The following CNTN5 variants were observed in gnomAD, a reference collection of about 807,000 sequenced individuals.
CNTN5 encodes the protein contactin-5.
A neutral mutation model predicts 129.1 loss-of-function variants in CNTN5; 77 were observed. The observed-to-expected ratio is 0.60, with a 90% CI of 0.50 to 0.72. CNTN5 has a LOEUF of 0.72. CNTN5 is among the 30% of genes least tolerant of loss of function. The pLI, the probability that CNTN5 is intolerant of heterozygous loss-of-function variation, is 0.00. For missense variants in CNTN5, 1,478 were observed against 1,328.8 expected (o/e 1.11, Z -1.75); for synonymous variants, 509 against 465.6 (o/e 1.09, Z -1.20).
chr11:99,173,521 T>A (rs755516582), intron 1 of CNTN5, among the ~76,000 whole-genome samples: 5 of 152,244 alleles, frequency 3.3e-5, no homozygotes, highest in Non-Finnish European at 5.9e-5. Flanking sequence ...ATCAAATTCA[T>A]ACTGAGAAAC....
chr11:99,748,847 T>C (rs978414640), intron 3 of CNTN5, among the ~76,000 whole-genome samples: 4 of 152,344 alleles, frequency 2.6e-5, no homozygotes, highest in Non-Finnish European at 4.4e-5. Flanking sequence ...ACTCTACTGA[T>C]TCAAATGGTA....
chr11:99,036,159 G>A (rs903105964), intron 1 of CNTN5, among the ~76,000 whole-genome samples: 7 of 151,926 alleles, frequency 4.6e-5, no homozygotes, highest in East Asian at 1.9e-4. Context: ...GTTGCGTATC[G>A]AAATGCCAGC....
intron 4 of CNTN5, among the ~76,000 whole-genome samples, chr11:99,839,325 G>A (rs1045263733): frequency 2.0e-5 from 3 of 152,156 alleles, no homozygotes; most frequent in Non-Finnish European, 4.4e-5. Context: ...ATCGGGTGAA[G>A]TCTGTGTGAA....
At chr11:100,115,506 G>A (rs1049763652) in intron 13 of CNTN5, among the ~76,000 whole-genome samples, 14 of 152,014 alleles carry the variant, frequency 9.2e-5, no homozygotes, top group Non-Finnish European at 1.8e-4. Flanking sequence ...TTTGAAGCAT[G>A]TTGTTTCCTG....
At chr11:99,726,431 T>A (rs1943341178) in intron 3 of CNTN5, among the ~76,000 whole-genome samples, 1 of 152,238 alleles carries the variant, frequency 6.6e-6, no homozygotes, top group Admixed American at 6.5e-5. Flanking sequence ...AAGGAGAGTT[T>A]GATAGCTCAC....
At chr11:100,234,127 T>G (rs564683476) in intron 16 of CNTN5, among the ~76,000 whole-genome samples, 1 of 152,174 alleles carries the variant, frequency 6.6e-6, no homozygotes, top group African/African-American at 2.4e-5. Flanking sequence ...TGGTGGTCAT[T>G]AAAAAGTCAG....
chr11:99,279,131 A>G (rs1009327796), intron 1 of CNTN5, among the ~76,000 whole-genome samples: 2 of 151,774 alleles, frequency 1.3e-5, no homozygotes, highest in Non-Finnish European at 2.9e-5. Flanking sequence ...TTATTTCAAT[A>G]TTTCCACTGA....
At chr11:99,279,226 A>G (rs1863585559) in intron 1 of CNTN5, among the ~76,000 whole-genome samples, 1 of 151,698 alleles carries the variant, frequency 6.6e-6, no homozygotes. Flanking sequence ...AGGTGTTTCT[A>G]TTGTTACTGA....
rs772984856 is a variant in CNTN5 at position 99,956,840 on chromosome 11, T to G, written c.708T>G (p.Pro236=). 2.5e-6 allele frequency: 4 copies of G among 1,613,836 alleles called. No homozygotes were observed. In the East Asian group the frequency reaches 8.9e-5, roughly 36 times the overall value. ...ATAGCTGGGTATTTAATGAGTTCCC[T>G]TCCTTTGTGGCGGAAGACAGCCGGC... ...IIYSWVFNEF[P]SFVAEDSRRF... The change falls in exon 8 of 25, where the codon CCT becomes CCG. Residue 236 remains proline (P), a synonymous_variant. Transcript: ENST00000524871.
chr11:99,254,563 A>G (rs1421055177), intron 1 of CNTN5, among the ~76,000 whole-genome samples: 4 of 151,998 alleles, frequency 2.6e-5, no homozygotes, highest in African/African-American at 9.7e-5. Flanking sequence ...CAGTGATAAA[A>G]GTAGTAATAT....
intron 3 of CNTN5, among the ~76,000 whole-genome samples, chr11:99,650,336 A>G (rs1357553344): frequency 6.6e-6 from 1 of 151,858 alleles, no homozygotes; most frequent in Non-Finnish European, 1.5e-5. Context: ...TTTGGTAGGC[A>G]TGAACTCTAA....
intron 6 of CNTN5, among the ~76,000 whole-genome samples, chr11:99,860,145 T>C (rs955417903): frequency 6.6e-6 from 1 of 152,216 alleles, no homozygotes; most frequent in African/African-American, 2.4e-5. Context: ...GTTTGTATTC[T>C]TTTGAGAAAT....
chr11:99,366,511 C>G (rs1394452), intron 2 of CNTN5, among the ~76,000 whole-genome samples: 8,786 of 152,120 alleles, frequency 0.058, 584 homozygotes, highest in East Asian at 0.2. Flanking sequence ...GATGAAATAG[C>G]AAATATTTTT....
chr11:99,996,317 A>G (rs555567105), intron 8 of CNTN5, among the ~76,000 whole-genome samples: 3 of 152,136 alleles, frequency 2.0e-5, no homozygotes, highest in Non-Finnish European at 2.9e-5. Context: ...TTCACTATAT[A>G]CATCTCAGCA....
At chr11:99,426,066 TA>T (rs1178518788) in intron 2 of CNTN5, among the ~76,000 whole-genome samples, 2 of 152,224 alleles carry the variant, frequency 1.3e-5, no homozygotes, top group Admixed American at 1.3e-4. Flanking sequence ...CACATATTAA[TA>T]GCATATTTAT....
chr11:100,315,490 T>A (rs975585381), intron 21 of CNTN5, among the ~76,000 whole-genome samples: 15 of 152,182 alleles, frequency 9.9e-5, no homozygotes, highest in African/African-American at 3.4e-4. Flanking sequence ...AAGTGATCAA[T>A]GGTAAGGGGC....
chr11:99,256,447 TTATA>T (rs1862381739), intron 1 of CNTN5, among the ~76,000 whole-genome samples: 1 of 152,066 alleles, frequency 6.6e-6, no homozygotes, highest in African/African-American at 2.4e-5. Context: ...ATTCAGCATT[TTATA>T]TATATGTTTT....
rs570347145 is a variant in CNTN5 at position 99,843,816 on chromosome 11, G to A, written c.278-1036G>A. Among the ~76,000 whole-genome samples, 261 of 152,152 alleles carry A rather than the reference G, an allele frequency of 1.7e-3. 4 individuals are homozygous for A. Among genetic ancestry groups the A allele is most frequent in the East Asian group, 7.7e-4 (4 of 5,172 alleles). ...TACAGAGACTGAGAAACCTGATCTAGGGCTATTATGTGATCAAATTCATGA... is the reference window on the plus strand; with the variant it reads ...TACAGAGACTGAGAAACCTGATCTAAGGCTATTATGTGATCAAATTCATGA... On this transcript the variant is annotated intron_variant, in intron 4 of 24. Coordinates refer to ENST00000524871, the MANE Select transcript of CNTN5 (RefSeq NM_014361.4).
intron 1 of CNTN5, among the ~76,000 whole-genome samples, chr11:99,107,040 T>C (rs1341924722): frequency 6.6e-6 from 1 of 151,996 alleles, no homozygotes; most frequent in African/African-American, 2.4e-5. Flanking sequence ...AAGGTACCTA[T>C]CCAAAATGCT....
Sources: allele counts gnomAD v4.1 joint callset (sites outside exome capture counted in the v4.1 genomes callset), GRCh38; gene constraint gnomAD v4.1.1; transcripts MANE v1.5; gene names NCBI Gene and HGNC (gene_info 2026-07-23, HGNC 2026-07-21).